ZNF407: variants seen among roughly 807,000 people sequenced by gnomAD.
ZNF407 encodes the protein zinc finger protein 407.
A neutral mutation model predicts 131.2 loss-of-function variants in ZNF407; 17 were observed. The ratio of observed to expected loss-of-function variants is 0.13; its 90% confidence interval spans 0.09 to 0.19. The LOEUF (loss-of-function observed/expected upper bound fraction) is 0.19, where lower values mean the gene tolerates loss of function less well. ZNF407 is among the 10% of genes least tolerant of loss of function. The pLI is 1.00. For missense variants in ZNF407, 2,681 were observed against 2,830.6 expected (o/e 0.95, Z 1.20); for synonymous variants, 1,156 against 1,062.0 (o/e 1.09, Z -1.72).
chr18:74,620,037 A>AC lies in ZNF407; in HGVS notation c.-53-10927dup, dbSNP rs1555715935. 4.6e-5 allele frequency among the ~76,000 whole-genome samples: 7 copies of AC among 151,302 alleles called. No individual in the cohort carries two copies. In the East Asian group the frequency reaches 5.8e-4, roughly 13 times the overall value. ...CTATCCCAATAATTAAAAAAAAAAA[A>AC]CCCAGACAATTAGATGGAAATGCCA... On this transcript the variant is annotated intron_variant, in intron 1 of 8. Transcript: ENST00000299687.
chr18:74,791,649 A>AT (rs1287754241), intron 4 of ZNF407, among the ~76,000 whole-genome samples: 2 of 152,014 alleles, frequency 1.3e-5, no homozygotes, highest in Admixed American at 1.3e-4. Context: ...CAAGGGTCAG[A>AT]TTTTTTCTCA....
intron 8 of ZNF407, among the ~76,000 whole-genome samples, chr18:75,013,202 C>A (rs533404757): frequency 4.9e-4 from 74 of 152,082 alleles, no homozygotes; most frequent in African/African-American, 1.7e-3. Flanking sequence ...AAAAGAGATG[C>A]GGTGACATGT....
intron 6 of ZNF407, among the ~76,000 whole-genome samples, chr18:74,885,960 G>A (rs566529908): frequency 5.9e-5 from 9 of 152,060 alleles, no homozygotes; most frequent in African/African-American, 9.6e-5. Context: ...AAAAATAACC[G>A]GAAAAATTAT....
chr18:74,980,936 G>A lies in ZNF407; in HGVS notation c.5428+60244G>A, dbSNP rs151331564. 1.1e-3 allele frequency among the ~76,000 whole-genome samples: 164 copies of A among 152,242 alleles called. 1 individual carries two copies. Among genetic ancestry groups the A allele is most frequent in the Non-Finnish European group, 1.9e-3 (131 of 68,008 alleles). On this transcript the variant is annotated intron_variant, in intron 8 of 8. Coordinates refer to ENST00000299687, the MANE Select transcript of ZNF407 (RefSeq NM_017757.3). ...GGATTGGAGTATTTTTGCCATCTAC[G>A]ATATCAAGGCCTCTGGGCATTTGTG... is the stretch of plus-strand genomic sequence containing the variant.
At chr18:74,689,757 C>T (rs1967176963) in intron 3 of ZNF407, among the ~76,000 whole-genome samples, 1 of 152,182 alleles carries the variant, frequency 6.6e-6, no homozygotes, top group African/African-American at 2.4e-5. Context: ...ACAAAGGAAG[C>T]ATAAATCATT....
At chr18:74,681,850 T>G (rs1966990874) in intron 3 of ZNF407, among the ~76,000 whole-genome samples, 1 of 152,180 alleles carries the variant, frequency 6.6e-6, no homozygotes, top group South Asian at 2.1e-4. Context: ...AAATAATCAT[T>G]TAATGGCATT....
At chr18:75,005,823 T>A (rs1972903543) in intron 8 of ZNF407, among the ~76,000 whole-genome samples, 1 of 151,674 alleles carries the variant, frequency 6.6e-6, no homozygotes, top group African/African-American at 2.4e-5. Flanking sequence ...CCTGGGATGC[T>A]GCCCAGCTTA....
intron 4 of ZNF407, chr18:74,804,176 T>C: frequency 1.1e-5 from 15 of 1,403,416 alleles, no homozygotes; most frequent in East Asian, 2.6e-5. Flanking sequence ...CTTCTTTGCA[T>C]ACTTGAATTC....
intron 1 of ZNF407, among the ~76,000 whole-genome samples, chr18:74,616,844 C>T (rs1983313505): frequency 1.6e-5 from 2 of 121,704 alleles, no homozygotes; most frequent in Admixed American, 8.0e-5. Flanking sequence ...ACGCACCACA[C>T]GCATCCATAT....
Position 74,631,680 on chromosome 18 carries a change from A to G in ZNF407, c.661A>G (p.Ser221Gly). 6.2e-7 allele frequency: 1 copy of G among 1,614,034 alleles called. No individual in the cohort carries two copies. Among genetic ancestry groups the G allele is most frequent in the Non-Finnish European group, 8.5e-7 (1 of 1,179,894 alleles). The change falls in exon 2 of 9, where the codon AGC becomes GGC. Residue 221 changes from serine to glycine, a missense_variant. Ser to Gly is a moderately conservative substitution (Grantham distance 56). Around this residue, in one of 6 missense-constraint regions of ZNF407, gnomAD observed 1,789 missense variants for 1,748.7 expected, o/e 1.02. Coordinates refer to ENST00000299687, the MANE Select transcript of ZNF407 (RefSeq NM_017757.3). ...QPKEHTCCHCSHKAESSSALH... is the reference protein window; with the variant it reads ...QPKEHTCCHCGHKAESSSALH... ...TAAGGAACATACCTGTTGTCACTGC[A>G]GCCACAAAGCAGAGAGCAGCTCAGC...
intron 3 of ZNF407, among the ~76,000 whole-genome samples, chr18:74,780,600 C>T (rs1475706157): frequency 1.3e-5 from 2 of 152,140 alleles, no homozygotes; most frequent in African/African-American, 4.8e-5. Flanking sequence ...ACATAATTAA[C>T]AAAAATGTTT....
intron 8 of ZNF407, among the ~76,000 whole-genome samples, chr18:75,001,580 A>G (rs946124286): frequency 7.2e-5 from 11 of 152,204 alleles, no homozygotes; most frequent in Admixed American, 4.6e-4. Context: ...GAATAGAGCA[A>G]AAGGAAACAG....
intron 3 of ZNF407, among the ~76,000 whole-genome samples, chr18:74,737,070 T>G (rs1382331065): frequency 6.6e-6 from 1 of 152,224 alleles, no homozygotes; most frequent in Non-Finnish European, 1.5e-5. Context: ...AGTAGACAGT[T>G]TTTTCTTTTA....
At chr18:74,896,209 A>T (rs865855681) in intron 7 of ZNF407, among the ~76,000 whole-genome samples, 1 of 152,198 alleles carries the variant, frequency 6.6e-6, no homozygotes, top group African/African-American at 2.4e-5. Context: ...GATTTGAAGC[A>T]GTTTGATCAA....
At chr18:74,789,986 T>G (rs1383856005) in intron 4 of ZNF407, among the ~76,000 whole-genome samples, 1 of 152,126 alleles carries the variant, frequency 6.6e-6, no homozygotes, top group Non-Finnish European at 1.5e-5. Context: ...CCCTGGCCAC[T>G]GTCTTCTGTG....
chr18:74,678,367 T>G (rs1276311363), intron 3 of ZNF407, among the ~76,000 whole-genome samples: 5 of 152,350 alleles, frequency 3.3e-5, no homozygotes, highest in Middle Eastern at 6.8e-3. Flanking sequence ...GGTTTCAACC[T>G]AATGTACATT....
At chr18:75,061,543 T>G (rs887677209) in intron 8 of ZNF407, 1 of 152,356 alleles carries the variant, frequency 6.6e-6, no homozygotes, top group Non-Finnish European at 1.5e-5. Context: ...GCGCCTCCCA[T>G]CCCCGCCGTA....
At chr18:74,716,535 C>A (rs1967898211) in intron 3 of ZNF407, among the ~76,000 whole-genome samples, 1 of 152,040 alleles carries the variant, frequency 6.6e-6, no homozygotes, top group Non-Finnish European at 1.5e-5. Flanking sequence ...TCTAGGACAG[C>A]CTCAGCAGTC....
At chr18:74,969,805 T>C (rs1972451658) in intron 8 of ZNF407, among the ~76,000 whole-genome samples, 2 of 152,316 alleles carry the variant, frequency 1.3e-5, no homozygotes, top group South Asian at 4.1e-4. Flanking sequence ...TTGTTATTGA[T>C]GGTTTGGTTA....
Sources: allele counts gnomAD v4.1 joint callset (sites outside exome capture counted in the v4.1 genomes callset), GRCh38; gene constraint gnomAD v4.1.1; regional missense constraint gnomAD v4.1.1; transcripts MANE v1.5; gene names NCBI Gene and HGNC (gene_info 2026-07-23, HGNC 2026-07-21).